HNF4A: variants seen among roughly 807,000 people sequenced by gnomAD.
The protein encoded by HNF4A is hepatocyte nuclear factor 4-alpha.
Under a neutral mutation model 52.4 loss-of-function variants are expected in HNF4A, and 15 were observed. The observed-to-expected ratio is 0.29, with a 90% CI of 0.19 to 0.44. The LOEUF is 0.44. Among genes scored for constraint, HNF4A ranks in the 20% least tolerant of loss-of-function variants. HNF4A has a pLI of 1.00. For synonymous variants in HNF4A, 280 were observed against 264.4 expected (o/e 1.06, Z -0.57); for missense variants, 479 against 647.2 (o/e 0.74, Z 2.82).
At position 44,426,374 on chromosome 20, in the gene HNF4A, T is replaced by C. The variant is rs1036047916; in HGVS notation, c.1130-1961T>C. Among the ~76,000 whole-genome samples, 6 of 150,066 alleles carry C rather than the reference T, an allele frequency of 4.0e-5. No individual in the cohort carries two copies. The Middle Eastern group carries it at 0.01, about 261-fold the overall frequency. On this transcript the variant is annotated intron_variant, in intron 8 of 9. Transcript: ENST00000316099. The stretch of plus-strand genomic sequence containing the variant: ...AGATTGGAGAGTGCTCCAAAGAGAG[T>C]GAGTGGGAAGGTGGAGATAGAGTAG...
At chr20:44,402,215 C>A (rs1356277222) in intron 1 of HNF4A, among the ~76,000 whole-genome samples, 5 of 151,636 alleles carry the variant, frequency 3.3e-5, no homozygotes, top group African/African-American at 1.2e-4. Context: ...TAGGAGTTGC[C>A]CGTGTTGATC....
chr20:44,373,910 G>A (rs1014472155), intron 1 of HNF4A, among the ~76,000 whole-genome samples: 6 of 151,870 alleles, frequency 4.0e-5, no homozygotes, highest in Non-Finnish European at 7.4e-5. Flanking sequence ...GCCTGATCTC[G>A]AACTCCTGAC....
chr20:44,361,189 A>G (rs1398896268), intron 1 of HNF4A, among the ~76,000 whole-genome samples: 1 of 152,154 alleles, frequency 6.6e-6, no homozygotes, highest in East Asian at 1.9e-4. Context: ...CACATAGGAA[A>G]CTTTTTAAAA....
At chr20:44,403,607 G>A (rs2063440812) in intron 1 of HNF4A, among the ~76,000 whole-genome samples, 1 of 152,102 alleles carries the variant, frequency 6.6e-6, no homozygotes, top group East Asian at 1.9e-4. Flanking sequence ...TTTCTCCCCC[G>A]TCCTCTCCCC....
chr20:44,356,650 G>A lies in HNF4A; in HGVS notation c.49+797G>A, dbSNP rs2062861965. 3.9e-5 allele frequency among the ~76,000 whole-genome samples: 6 copies of A among 152,136 alleles called. No homozygotes were observed. In the South Asian group the frequency reaches 1.2e-3, roughly 31 times the overall value. ...ACTGTGTAGTTGCTGATAGCGAAACGGATATAGATGTATATATGTACACAC... is the reference window on the plus strand; with the variant it reads ...ACTGTGTAGTTGCTGATAGCGAAACAGATATAGATGTATATATGTACACAC... On this transcript the variant is annotated intron_variant, in intron 1 of 9. Coordinates refer to the HNF4A transcript ENST00000316673.
At chr20:44,403,926 G>C (rs187835023) in intron 1 of HNF4A, among the ~76,000 whole-genome samples, 1 of 152,200 alleles carries the variant, frequency 6.6e-6, no homozygotes, top group Admixed American at 6.5e-5. Flanking sequence ...GCCAGGAGCT[G>C]TGGGGGTCAG....
At chr20:44,392,448 C>T (rs2063312427) in intron 1 of HNF4A, among the ~76,000 whole-genome samples, 1 of 152,154 alleles carries the variant, frequency 6.6e-6, no homozygotes, top group South Asian at 2.1e-4. Context: ...CCTCCCCACC[C>T]CTACCCCAAG....
intron 1 of HNF4A, among the ~76,000 whole-genome samples, chr20:44,393,908 G>C (rs1235998778): frequency 6.6e-6 from 1 of 151,916 alleles, no homozygotes; most frequent in Non-Finnish European, 1.5e-5. Context: ...ATAGACACAG[G>C]GTCTCACTAT....
intron 1 of HNF4A, among the ~76,000 whole-genome samples, chr20:44,365,326 GC>G (rs2062959775): frequency 6.6e-6 from 1 of 151,948 alleles, no homozygotes; most frequent in Admixed American, 6.6e-5. Flanking sequence ...ATGCCACCAT[GC>G]CCAGCTAATT....
Position 44,429,561 on chromosome 20 carries a change from T to C in HNF4A, c.1321T>C (p.Ser441Pro). Residue 441 changes from serine (S) to proline (P), a missense_variant, in exon 10 of 10, where the codon TCA becomes CCA. By Grantham distance (74) the Ser-to-Pro change is moderately conservative. Coordinates refer to ENST00000316099, the MANE Select transcript of HNF4A (RefSeq NM_000457.6). ...CCCACAGCCCTCACCGCCAGGTGGC[T>C]CAGGGTCTGAGCCCTATAAGCTCCT... The C allele has an allele frequency of 6.2e-7, 1 of 1,614,006 alleles. No homozygotes were observed. The highest frequency in any genetic ancestry group is 2.2e-5 in the East Asian group (1 of 44,860).
At chr20:44,390,097 G>A (rs559560217) in intron 1 of HNF4A, among the ~76,000 whole-genome samples, 5 of 152,248 alleles carry the variant, frequency 3.3e-5, no homozygotes, top group Admixed American at 6.5e-5. Context: ...GAAATGCCTC[G>A]GCTAAGTTTA....
intron 1 of HNF4A, chr20:44,392,048 A>G (rs969721705): frequency 1.6e-4 from 24 of 152,220 alleles, no homozygotes; most frequent in South Asian, 6.2e-4. Flanking sequence ...ATTTAGGCCC[A>G]GGTACTAGAA....
chr20:44,364,343 C>G (rs1600631419), intron 1 of HNF4A, among the ~76,000 whole-genome samples: 2 of 152,218 alleles, frequency 1.3e-5, no homozygotes, highest in South Asian at 4.1e-4. Context: ...ACCCGGCACT[C>G]TGTTTTGACT....
chr20:44,415,897 C>A (rs143705768), intron 5 of HNF4A, among the ~76,000 whole-genome samples: 178 of 152,276 alleles, frequency 1.2e-3, no homozygotes, highest in African/African-American at 2.9e-3. Flanking sequence ...CCCCTACCCT[C>A]TCCCCTGTTC....
Position 44,414,494 on chromosome 20 carries a change from G to C in HNF4A, c.493-13G>C. The C allele has an allele frequency of 6.2e-7, 1 of 1,614,228 alleles. No individual in the cohort carries two copies. The highest frequency in any genetic ancestry group is 8.5e-7 in the Non-Finnish European group (1 of 1,180,038). Reference sequence around the variant, plus strand: ...GGACATCTCCAGCATTTTCTTCCCTGTATCTCTCGAAGATCACCTCCCCCG... The same window carrying C: ...GGACATCTCCAGCATTTTCTTCCCTCTATCTCTCGAAGATCACCTCCCCCG... On this transcript the variant is annotated splice_polypyrimidine_tract_variant and intron_variant, in intron 4 of 9. Transcript: ENST00000316099.
intron 3 of HNF4A, among the ~76,000 whole-genome samples, chr20:44,410,125 G>T (rs569657224): frequency 6.6e-6 from 1 of 152,346 alleles, no homozygotes; most frequent in East Asian, 1.9e-4. Flanking sequence ...GAGCCACTGC[G>T]CCCGGCCCCT....
Position 44,413,735 on chromosome 20 carries a change from A to G in HNF4A, c.427A>G (p.Ser143Gly), listed in dbSNP as rs193922472. 249 of 1,613,866 alleles carry G rather than the reference A, an allele frequency of 1.5e-4. No homozygotes were observed. The highest frequency in any genetic ancestry group is 2.0e-4 in the Non-Finnish European group (235 of 1,179,988). Residue 143 changes from serine to glycine, a missense_variant, in exon 4 of 10, where the codon AGC becomes GGC. Around this residue, in one of 3 missense-constraint regions of HNF4A, gnomAD observed 389 missense variants for 525.1 expected, o/e 0.74. Coordinates refer to ENST00000316099, the MANE Select transcript of HNF4A (RefSeq NM_000457.6). ...GGACCGGATCAGCACTCGAAGGTCA[A>G]GCTATGAGGACAGCAGCCTGCCCTC... is the stretch of plus-strand genomic sequence containing the variant.
At chr20:44,359,474 T>C (rs1363369957) in intron 1 of HNF4A, among the ~76,000 whole-genome samples, 1 of 152,160 alleles carries the variant, frequency 6.6e-6, no homozygotes, top group East Asian at 1.9e-4. Flanking sequence ...GGAAGACAAG[T>C]ATGTAGTGGA....
At chr20:44,394,081 G>T (rs1189136684) in intron 1 of HNF4A, among the ~76,000 whole-genome samples, 2 of 152,152 alleles carry the variant, frequency 1.3e-5, no homozygotes, top group Admixed American at 1.3e-4. Flanking sequence ...GGGCCCATGG[G>T]ACACAGAGCC....
Sources: gnomAD v4.1 joint callset for allele counts (sites outside exome capture counted in the v4.1 genomes callset) on GRCh38, gnomAD v4.1.1 for gene constraint, gnomAD v4.1.1 regional missense constraint, MANE v1.5 for transcripts, NCBI Gene and HGNC (gene_info 2026-07-23, HGNC 2026-07-21) for gene names.